Variants in PCDH9 observed in about 807,000 individuals in gnomAD.
PCDH9 encodes protocadherin 9, also known as protocadherin-9.
PCDH9 carries 24 observed loss-of-function variants against 70.6 expected under a neutral mutation model. The ratio of observed to expected loss-of-function variants is 0.34; its 90% confidence interval spans 0.25 to 0.48. The LOEUF is 0.48. PCDH9 is among the 20% of genes least tolerant of loss of function. The probability of loss-of-function intolerance (pLI) is 0.99; values close to 1 mark genes in which losing one functional copy is unlikely to be tolerated. For synonymous variants in PCDH9, 562 were observed against 558.5 expected (o/e 1.01, Z -0.09); for missense variants, 1,281 against 1,503.6 (o/e 0.85, Z 2.45).
intron 4 of PCDH9, among the ~76,000 whole-genome samples, chr13:66,455,217 C>T (rs1958295442): frequency 1.3e-5 from 2 of 151,634 alleles, no homozygotes; most frequent in Admixed American, 1.3e-4. Context: ...CCTACAGCAT[C>T]ATTCTTGATT....
At chr13:66,683,105 C>T (rs2078350634) in intron 3 of PCDH9, among the ~76,000 whole-genome samples, 1 of 152,126 alleles carries the variant, frequency 6.6e-6, no homozygotes, top group Non-Finnish European at 1.5e-5. Flanking sequence ...AACGTTACAA[C>T]CTGTTATGAC....
chr13:66,419,625 G>A (rs1957526329), intron 4 of PCDH9, among the ~76,000 whole-genome samples: 1 of 152,108 alleles, frequency 6.6e-6, no homozygotes, highest in African/African-American at 2.4e-5. Context: ...TTCCAGCCAA[G>A]ATGCTATGCT....
At chr13:66,945,316 T>C (rs1256472015) in intron 2 of PCDH9, among the ~76,000 whole-genome samples, 1 of 152,082 alleles carries the variant, frequency 6.6e-6, no homozygotes, top group Non-Finnish European at 1.5e-5. Context: ...TGAGGCATAC[T>C]ATATGAGTTT....
intron 4 of PCDH9, among the ~76,000 whole-genome samples, chr13:66,337,030 G>T (rs1233834328): frequency 6.6e-6 from 1 of 151,720 alleles, no homozygotes; most frequent in African/African-American, 2.4e-5. Context: ...TTCCCTTAGG[G>T]AATGTTTCTT....
At chr13:66,332,899 G>A (rs1955969253) in intron 4 of PCDH9, among the ~76,000 whole-genome samples, 1 of 151,818 alleles carries the variant, frequency 6.6e-6, no homozygotes. Flanking sequence ...ACTAAACAGG[G>A]ATGTGTTTAT....
intron 2 of PCDH9, among the ~76,000 whole-genome samples, chr13:67,148,845 A>G (rs1160446791): frequency 6.6e-6 from 1 of 152,218 alleles, no homozygotes; most frequent in African/African-American, 2.4e-5. Flanking sequence ...GAATTTAACA[A>G]ATAGACATTA....
At chr13:66,972,330 A>T (rs1415887173) in intron 2 of PCDH9, among the ~76,000 whole-genome samples, 3 of 151,996 alleles carry the variant, frequency 2.0e-5, no homozygotes, top group Admixed American at 2.0e-4. Context: ...AGACACAAAT[A>T]GTAGTAGAAG....
intron 4 of PCDH9, among the ~76,000 whole-genome samples, chr13:66,427,608 T>C (rs1416121852): frequency 6.6e-6 from 1 of 151,812 alleles, no homozygotes; most frequent in African/African-American, 2.4e-5. Flanking sequence ...CCTCACAGAA[T>C]GGCTTCCTTT....
intron 4 of PCDH9, among the ~76,000 whole-genome samples, chr13:66,406,658 A>G (rs1957286026): frequency 6.6e-6 from 1 of 152,188 alleles, no homozygotes; most frequent in African/African-American, 2.4e-5. Context: ...ACACAAAGTT[A>G]TATTCTTAAT....
intron 4 of PCDH9, among the ~76,000 whole-genome samples, chr13:66,351,992 C>G (rs144930942): frequency 1.4e-4 from 22 of 152,060 alleles, no homozygotes; most frequent in Non-Finnish European, 1.5e-4. Context: ...TCAGCCACCA[C>G]GCCCAGCTGA....
chr13:66,453,562 T>C (rs975811978), intron 4 of PCDH9, among the ~76,000 whole-genome samples: 1 of 152,206 alleles, frequency 6.6e-6, no homozygotes, highest in Non-Finnish European at 1.5e-5. Context: ...CCTTTAACTG[T>C]GCTAGCATAA....
intron 2 of PCDH9, chr13:67,202,830 T>C (rs2089248943): frequency 6.6e-6 from 1 of 152,106 alleles, no homozygotes; most frequent in African/African-American, 2.4e-5. Flanking sequence ...GTTCATTTTG[T>C]CCATATTTGC....
chr13:66,890,818 C>A (rs1242917570), intron 3 of PCDH9, among the ~76,000 whole-genome samples: 1 of 152,068 alleles, frequency 6.6e-6, no homozygotes, highest in African/African-American at 2.4e-5. Context: ...TCATCTATTG[C>A]AGTAGCCTTG....
chr13:66,598,769 G>A (rs2077131591), intron 4 of PCDH9, among the ~76,000 whole-genome samples: 2 of 151,836 alleles, frequency 1.3e-5, no homozygotes, highest in Admixed American at 6.6e-5. Context: ...AGGGAAAAGG[G>A]AAAACTAACA....
intron 2 of PCDH9, among the ~76,000 whole-genome samples, chr13:67,125,841 A>ATATATG (rs1555309842): frequency 2.5e-4 from 37 of 150,178 alleles, no homozygotes; most frequent in Middle Eastern, 6.8e-3. Flanking sequence ...GTATATATAT[A>ATATATG]TGTGTGTGTG....
intron 3 of PCDH9, among the ~76,000 whole-genome samples, chr13:66,721,439 G>C (rs1185796718): frequency 6.6e-6 from 1 of 152,092 alleles, no homozygotes; most frequent in Non-Finnish European, 1.5e-5. Flanking sequence ...AGTGTGTTTT[G>C]TATCACCTAT....
intron 2 of PCDH9, among the ~76,000 whole-genome samples, chr13:67,118,482 T>C (rs1472854058): frequency 2.0e-5 from 3 of 152,158 alleles, no homozygotes; most frequent in South Asian, 2.1e-4. Flanking sequence ...TATTTGGTAA[T>C]AAATTCAATC....
intron 4 of PCDH9, among the ~76,000 whole-genome samples, chr13:66,370,498 T>C (rs1956628217): frequency 6.6e-6 from 1 of 151,650 alleles, no homozygotes; most frequent in Non-Finnish European, 1.5e-5. Context: ...TCTTTTCTTT[T>C]TTATTTATGT....
intron 4 of PCDH9, among the ~76,000 whole-genome samples, chr13:66,485,618 G>T (rs189483225): frequency 0.015 from 2,322 of 151,898 alleles, 69 homozygotes; most frequent in African/African-American, 0.053. Flanking sequence ...TATATAGAGA[G>T]AGAGACAGAG....
Sources: gnomAD v4.1 joint callset for allele counts (sites outside exome capture counted in the v4.1 genomes callset) on GRCh38, gnomAD v4.1.1 for gene constraint, MANE v1.5 for transcripts, NCBI Gene and HGNC (gene_info 2026-07-23, HGNC 2026-07-21) for gene names.